The following CDHR5 variants were observed in gnomAD, a reference collection of about 807,000 sequenced individuals.
CDHR5 encodes cadherin-related family member 5.
A neutral mutation model predicts 69.5 loss-of-function variants in CDHR5; 82 were observed. The observed-to-expected ratio is 1.18, with a 90% confidence interval of 0.99 to 1.42. The LOEUF (loss-of-function observed/expected upper bound fraction) is 1.42, where lower values mean the gene tolerates loss of function less well. CDHR5 is among the 40% of genes most tolerant of loss of function. The probability of loss-of-function intolerance (pLI) is 0.00; values close to 1 mark genes in which losing one functional copy is unlikely to be tolerated. For missense variants in CDHR5, 1,293 were observed against 1,168.9 expected, an observed-to-expected ratio of 1.11 and a Z score of -1.55; for synonymous variants, 601 against 510.2, an observed-to-expected ratio of 1.18 and a Z score of -2.40.
At chr11:620,413 C>T (rs755906244) in intron 7 of CDHR5, 27 bp from the exon 8 acceptor site, 10 of 1,509,966 alleles carry the variant, frequency 6.6e-6, no homozygotes, top group East Asian at 4.6e-5. Flanking sequence ...AGGGAGGGCA[C>T]GTCGTGGGGC....
rs765919824 is a variant in CDHR5 at position 617,351 on chromosome 11, T to C, written c.2538A>G (p.Ter846=). The part of the protein sequence containing the change: ...DAPGGDDSYI[*] ...CTGGGGGAGAGGGTGGAGGGGCCAC[T>C]TAGATGTAGGAGTCATCACCACCGG... Residue 846 remains the stop codon, a stop_retained_variant, in exon 15 of 15, where the codon TAA becomes TAG. Transcript: ENST00000397542. The C allele has an allele frequency of 1.2e-5, 19 of 1,591,446 alleles. No individual in the cohort carries two copies. The South Asian group carries it at 1.8e-4, about 15-fold the overall frequency.
rs375109918 is a variant in CDHR5, at chr11:621,939, C to A, written c.313-35G>T. The A allele has an allele frequency of 6.4e-7, 1 of 1,556,894 alleles. No homozygotes were observed. The highest frequency in any genetic ancestry group is 8.8e-7 in the Non-Finnish European group (1 of 1,133,338). ...GTGGCCGTCAGCCTCTCCCACAGCC[C>A]CTCCCCGTTGTGAGGTGCACCCCTC... On this transcript the variant is annotated intron_variant, in intron 3 of 14. Coordinates refer to ENST00000397542, the MANE Select transcript of CDHR5 (RefSeq NM_021924.5). The surrounding 1 kb of genome is among the most constrained non-coding windows in gnomAD (Gnocchi z 4.4).
At chr11:619,271 G>C (rs1186552376) in intron 12 of CDHR5, 35 bp downstream of exon 12, 11 of 1,537,772 alleles carry the variant, frequency 7.2e-6, no homozygotes, top group Non-Finnish European at 9.8e-6. Context: ...CTTATTTGGA[G>C]AACCCTGGGG....
rs1124816 is a variant in CDHR5, at chr11:619,671, C to T, written c.1179+10G>A. Reference sequence around the variant, plus strand: ...ACCCACAGAGGGGAGGCCTTGGATGCACTCTCTACCGAGAACTCCGGGTCC... The same window carrying T: ...ACCCACAGAGGGGAGGCCTTGGATGTACTCTCTACCGAGAACTCCGGGTCC... On this transcript the variant is annotated intron_variant, in intron 10 of 14. Transcript: ENST00000397542. The T allele has an allele frequency of 0.22, 360,121 of 1,612,154 alleles. 43,278 individuals carry two copies. Among genetic ancestry groups the T allele is most frequent in the African/African-American group, 0.39 (28,952 of 74,914 alleles).
At chr11:620,237 G>A (rs887493593) in intron 8 of CDHR5, 59 bp downstream of exon 8, 2 of 1,584,120 alleles carry the variant, frequency 1.3e-6, no homozygotes. Flanking sequence ...GCCCAAGGTG[G>A]GGATGGAGAC....
intron 8 of CDHR5, 34 bp from the exon 9 acceptor site, chr11:620,198 C>G: frequency 1.2e-6 from 2 of 1,600,212 alleles, no homozygotes; most frequent in Non-Finnish European, 1.7e-6. Flanking sequence ...AGCCCCGGCC[C>G]CCTGAGGCCC....
In CDHR5 at chr11:617,617, C is replaced by T. The variant is rs1174937309; in HGVS notation, c.2272G>A (p.Ala758Thr). Reference protein sequence around the residue: ...APPGPASPGGAPEPPAAARAG... With the variant: ...APPGPASPGGTPEPPAAARAG... ...CGGGCCGCTGCGGGGGGCTCAGGGG[C>T]ACCGCCTGGGGAGGCAGGGCCGGGG... The change falls in exon 15 of 15, where the codon GCC becomes ACC. Residue 758 changes from alanine to threonine, a missense_variant. Transcript: ENST00000397542. The T allele has an allele frequency of 2.5e-6, 4 of 1,597,702 alleles. No homozygotes were observed. The highest frequency in any genetic ancestry group is 1.1e-5 in the South Asian group (1 of 90,030).
In CDHR5 at chr11:622,807, G is replaced by T. The variant is rs1273164862; in HGVS notation, c.313-903C>A. Among the ~76,000 whole-genome samples, 3 of 152,006 alleles carry T rather than the reference G, an allele frequency of 2.0e-5. No individual in the cohort carries two copies. The South Asian group carries it at 6.2e-4, about 32-fold the overall frequency. On this transcript the variant is annotated intron_variant, in intron 3 of 14. Transcript: ENST00000397542. Reference sequence around the variant, plus strand: ...CTTCTTTTTAGAACATAACCACAATGTCGTTGTCACACCTGGGAAAAGCGG... The same window carrying T: ...CTTCTTTTTAGAACATAACCACAATTTCGTTGTCACACCTGGGAAAAGCGG...
chr11:619,652 A>G (rs370603855), intron 10 of CDHR5, 29 bp downstream of exon 10: 63 of 1,611,188 alleles, frequency 3.9e-5, no homozygotes, highest in Non-Finnish European at 4.9e-5. Context: ...ACCCACCCAC[A>G]GAGGGGAGGC....
At chr11:617,820 T>C in intron 14 of CDHR5, 50 bp from the exon 15 acceptor site, 3 of 1,465,446 alleles carry the variant, frequency 2.0e-6, no homozygotes, top group Non-Finnish European at 2.7e-6. Flanking sequence ...CTCTGCAGCC[T>C]TGGCCCTGCA....
rs780603503 is a variant in CDHR5, at chr11:617,570, CG to C, written c.2318del (p.Ala773GlyfsTer2). 1 of 1,611,654 alleles carries C rather than the reference CG, an allele frequency of 6.2e-7. No individual in the cohort carries two copies. The highest frequency in any genetic ancestry group is 1.7e-5 in the Admixed American group (1 of 59,886). On this transcript the variant is annotated frameshift_variant, in exon 15 of 15. Coordinates refer to ENST00000397542, the MANE Select transcript of CDHR5 (RefSeq NM_021924.5). LOFTEE classifies it low-confidence loss of function (END_TRUNC). ...AAARAGGSPT[A>X]VRSILTKERR... Reference sequence around the variant, plus strand: ...GCTCCTTGGTCAGGATGGACCTCACCGCCGTGGGGCTTCCGCCAGCTCGGGC... The same window carrying C: ...GCTCCTTGGTCAGGATGGACCTCACCCCGTGGGGCTTCCGCCAGCTCGGGC...
rs754654216 is a variant in CDHR5 at position 619,425 on chromosome 11, A to C, written c.1294-35T>G. Reference sequence around the variant, plus strand: ...GAAGGGGCTTGTCCCTCCTAGACACATCTTTAAGCCCCACACCCTTGGAGA... The same window carrying C: ...GAAGGGGCTTGTCCCTCCTAGACACCTCTTTAAGCCCCACACCCTTGGAGA... On this transcript the variant is annotated intron_variant, in intron 11 of 14. Transcript: ENST00000397542. The C allele has an allele frequency of 6.8e-6, 11 of 1,608,848 alleles. No homozygotes were observed. The African/African-American group carries it at 9.4e-5, about 14-fold the overall frequency.
In CDHR5 at chr11:617,579, G is replaced by A; in HGVS notation, c.2310C>T (p.Ser770=). The change falls in exon 15 of 15, where the codon AGC becomes AGT. Residue 770 remains serine, a synonymous_variant. Transcript: ENST00000397542. Reference sequence around the variant, plus strand: ...TCAGGATGGACCTCACCGCCGTGGGGCTTCCGCCAGCTCGGGCCGCTGCGG... The same window carrying A: ...TCAGGATGGACCTCACCGCCGTGGGACTTCCGCCAGCTCGGGCCGCTGCGG... The part of the protein sequence containing the change: ...EPPAAARAGG[S]PTAVRSILTK... The A allele has an allele frequency of 1.2e-6, 2 of 1,610,956 alleles. No individual in the cohort carries two copies. Among genetic ancestry groups the A allele is most frequent in the East Asian group, 2.2e-5 (1 of 44,828 alleles).
At position 616,923 on chromosome 11, in the gene CDHR5, G is replaced by C. The variant is rs1856933457; in HGVS notation, c.*428C>G. On this transcript the variant is annotated 3_prime_UTR_variant, in exon 15 of 15. Coordinates refer to ENST00000397542, the MANE Select transcript of CDHR5 (RefSeq NM_021924.5). ...CTTGGGGGTTTGCATCGGCTCCTCAGCCTCCCCAGGCAATCTCTGTGTAGG... is the reference window on the plus strand; with the variant it reads ...CTTGGGGGTTTGCATCGGCTCCTCACCCTCCCCAGGCAATCTCTGTGTAGG... 1 of 200,520 alleles carries C rather than the reference G, an allele frequency of 5.0e-6. No homozygotes were observed. The highest frequency in any genetic ancestry group is 2.4e-5 in the African/African-American group (1 of 42,466). The allele number at this position is 200,520 out of a possible 1,614,324, so 12.4% of individuals were successfully genotyped here. A position where few individuals can be genotyped will look rare whatever the true frequency, so the allele number is the denominator to read the frequency against.
Position 619,073 on chromosome 11 carries a change from A to G in CDHR5, c.1486T>C (p.Ser496Pro). 1 of 1,612,222 alleles carries G rather than the reference A, an allele frequency of 6.2e-7. No individual in the cohort carries two copies. The highest frequency in any genetic ancestry group is 8.5e-7 in the Non-Finnish European group (1 of 1,179,606). Residue 496 changes from serine (S) to proline (P), a missense_variant, in exon 13 of 15, where the codon TCT becomes CCT. Transcript: ENST00000397542. ...GGATGAGGGCCTGTGCCTCCCCCAG[A>G]GCTGGTCGTGGAGGGTCCCTGGGAG... ...EPSQGPSTTSSGGGTGPHPPS... is the reference protein window; with the variant it reads ...EPSQGPSTTSPGGGTGPHPPS...
Position 617,616 on chromosome 11 carries a change from G to A in CDHR5, c.2273C>T (p.Ala758Val). ...TCGGGCCGCTGCGGGGGGCTCAGGGGCACCGCCTGGGGAGGCAGGGCCGGG... is the reference window on the plus strand; with the variant it reads ...TCGGGCCGCTGCGGGGGGCTCAGGGACACCGCCTGGGGAGGCAGGGCCGGG... ...APPGPASPGGAPEPPAAARAG... is the reference protein window; with the variant it reads ...APPGPASPGGVPEPPAAARAG... The change falls in exon 15 of 15, where the codon GCC (alanine) becomes GTC (valine). Residue 758 changes from alanine to valine, a missense_variant. Physicochemically the swap from Ala to Val is moderately conservative, Grantham distance 64. Coordinates refer to ENST00000397542, the MANE Select transcript of CDHR5 (RefSeq NM_021924.5). 6.9e-6 allele frequency: 11 copies of A among 1,597,432 alleles called. No homozygotes were observed. The highest frequency in any genetic ancestry group is 1.1e-5 in the South Asian group (1 of 90,012).
chr11:619,914 G>T (rs368144695), intron 9 of CDHR5, 33 bp from the exon 10 acceptor site: 897 of 1,495,338 alleles, frequency 6.0e-4, no homozygotes, highest in Non-Finnish European at 7.2e-4. Flanking sequence ...TGACTAGTGG[G>T]GTTGAAGGTG....
At position 624,549 on chromosome 11, in the gene CDHR5, G is replaced by T. The variant is rs775844448; in HGVS notation, c.261+8C>A. On this transcript the variant is annotated splice_region_variant and intron_variant, in intron 2 of 14. Coordinates refer to ENST00000397542, the MANE Select transcript of CDHR5 (RefSeq NM_021924.5). The surrounding 1 kb of genome is among the most constrained non-coding windows in gnomAD (Gnocchi z 5.3). Reference sequence around the variant, plus strand: ...GACCCCCATATCCCGCCCGCCTGCCGCCCACACCTCGTAATCAGGAGTCAC... The same window carrying T: ...GACCCCCATATCCCGCCCGCCTGCCTCCCACACCTCGTAATCAGGAGTCAC... 2.5e-6 allele frequency: 4 copies of T among 1,604,906 alleles called. No homozygotes were observed. In the East Asian group the frequency reaches 6.7e-5, roughly 27 times the overall value.
intron 12 of CDHR5, 58 bp from the exon 13 acceptor site, chr11:619,238 C>A (rs531597012): frequency 1.4e-6 from 2 of 1,474,394 alleles, no homozygotes; most frequent in Non-Finnish European, 1.9e-6. Context: ...ACACCTACCG[C>A]GGGAAAGGAG....
Sources: allele counts gnomAD v4.1 joint callset (sites outside exome capture counted in the v4.1 genomes callset), GRCh38; gene constraint gnomAD v4.1.1; non-coding constraint Gnocchi (gnomAD v3.1); transcripts MANE v1.5; gene names NCBI Gene and HGNC (gene_info 2026-07-23, HGNC 2026-07-21).